CACNB2: variants seen among roughly 807,000 people sequenced by gnomAD.
CACNB2 encodes the protein voltage-dependent L-type calcium channel subunit beta-2.
CACNB2 carries 42 observed loss-of-function variants against 73.3 expected under a neutral mutation model. The observed-to-expected ratio is 0.57, with a 90% CI of 0.45 to 0.74. The LOEUF (loss-of-function observed/expected upper bound fraction) is 0.74. Among genes scored for constraint, CACNB2 ranks in the 30% least tolerant of loss-of-function variants. CACNB2 has a pLI of 0.00. For missense variants in CACNB2, 940 were observed against 853.0 expected (o/e 1.10, Z -1.27); for synonymous variants, 348 against 310.3 (o/e 1.12, Z -1.28).
intron 3 of CACNB2, among the ~76,000 whole-genome samples, chr10:18,437,610 T>A (rs2046203093): frequency 6.6e-6 from 1 of 152,164 alleles, no homozygotes; most frequent in African/African-American, 2.4e-5. Flanking sequence ...CGTGGGCCAA[T>A]CTAACTGCAA....
intron 10 of CACNB2, among the ~76,000 whole-genome samples, chr10:18,532,614 T>G (rs903334066): frequency 6.8e-6 from 1 of 146,446 alleles, no homozygotes; most frequent in Non-Finnish European, 1.5e-5. Context: ...GTGGAGGAGA[T>G]TGTGGTGAGC....
At chr10:18,447,014 T>C (rs1312458240) in intron 3 of CACNB2, among the ~76,000 whole-genome samples, 1 of 151,870 alleles carries the variant, frequency 6.6e-6, no homozygotes, top group African/African-American at 2.4e-5. Context: ...AGGCTGTGAT[T>C]ATGCCGTTGT....
At chr10:18,284,795 T>TA (rs1298163137) in intron 2 of CACNB2, among the ~76,000 whole-genome samples, 2 of 151,368 alleles carry the variant, frequency 1.3e-5, no homozygotes, top group East Asian at 1.9e-4. Flanking sequence ...GTGAAGGGTA[T>TA]AAAAACAAAA....
At chr10:18,534,751 C>G (rs1278520065) in intron 11 of CACNB2, among the ~76,000 whole-genome samples, 1 of 152,190 alleles carries the variant, frequency 6.6e-6, no homozygotes, top group Admixed American at 6.5e-5. Flanking sequence ...AAAGTACACA[C>G]AAAGCTCCTG....
rs542939385 is a variant in CACNB2 at position 18,281,269 on chromosome 10, G to A, written c.214-120655G>A. On this transcript the variant is annotated intron_variant, in intron 2 of 13. Coordinates refer to ENST00000324631, the MANE Select transcript of CACNB2 (RefSeq NM_201596.3). ...GAAGATACTGCCTGCTTCTTAATAA[G>A]CTAGAACAAAAAGAGGTCACACTCA... Among the ~76,000 whole-genome samples, 6 of 152,252 alleles carry A rather than the reference G, an allele frequency of 3.9e-5. No homozygotes were observed. In the South Asian group the frequency reaches 8.3e-4, roughly 21 times the overall value.
chr10:18,530,663 C>T (rs930128160), intron 10 of CACNB2, among the ~76,000 whole-genome samples: 2 of 152,134 alleles, frequency 1.3e-5, no homozygotes, highest in Admixed American at 1.3e-4. Flanking sequence ...TCGGTTCCCA[C>T]TGTACATATA....
At chr10:18,170,249 A>G (rs547380754) in intron 2 of CACNB2, among the ~76,000 whole-genome samples, 33 of 152,312 alleles carry the variant, frequency 2.2e-4, no homozygotes, top group African/African-American at 7.9e-4. Flanking sequence ...GGAGGAATGA[A>G]TGGATGTAGG....
chr10:18,322,053 G>T (rs1589037961), intron 2 of CACNB2, among the ~76,000 whole-genome samples: 1 of 152,194 alleles, frequency 6.6e-6, no homozygotes, highest in African/African-American at 2.4e-5. Flanking sequence ...CTACTAAAGT[G>T]GCTGAGGCAG....
At chr10:18,458,590 T>C (rs1480109778) in intron 3 of CACNB2, among the ~76,000 whole-genome samples, 1 of 152,018 alleles carries the variant, frequency 6.6e-6, no homozygotes, top group African/African-American at 2.4e-5. Context: ...AAACAAAATT[T>C]TAAGAAATGT....
At chr10:18,211,136 G>C (rs938171504) in intron 2 of CACNB2, among the ~76,000 whole-genome samples, 1 of 152,260 alleles carries the variant, frequency 6.6e-6, no homozygotes, top group African/African-American at 2.4e-5. Context: ...TGGAGGCGGA[G>C]GGCTATGCAG....
intron 3 of CACNB2, among the ~76,000 whole-genome samples, chr10:18,485,150 T>C (rs2048991926): frequency 6.6e-6 from 1 of 152,182 alleles, no homozygotes. Flanking sequence ...TTAAAAAAAG[T>C]ATATATTTGT....
At chr10:18,250,316 T>G (rs1199404729) in intron 2 of CACNB2, among the ~76,000 whole-genome samples, 4 of 152,240 alleles carry the variant, frequency 2.6e-5, no homozygotes, top group Non-Finnish European at 4.4e-5. Flanking sequence ...GTTGTAACTT[T>G]GTGAACCTAT....
At chr10:18,428,601 G>A (rs994645098) in intron 3 of CACNB2, among the ~76,000 whole-genome samples, 4 of 151,476 alleles carry the variant, frequency 2.6e-5, no homozygotes, top group Admixed American at 6.6e-5. Context: ...TATGAGAATC[G>A]CTTGAATTCA....
At chr10:18,162,048 G>GT (rs1471198528) in intron 2 of CACNB2, among the ~76,000 whole-genome samples, 4 of 151,730 alleles carry the variant, frequency 2.6e-5, no homozygotes, top group African/African-American at 9.7e-5. Flanking sequence ...TACGTGTTCT[G>GT]TAACTTTTAG....
intron 2 of CACNB2, among the ~76,000 whole-genome samples, chr10:18,178,036 G>A (rs2033695189): frequency 1.3e-5 from 2 of 152,150 alleles, no homozygotes; most frequent in South Asian, 4.2e-4. Flanking sequence ...CAGGCATGAA[G>A]CTGATTGCAG....
chr10:18,537,369 T>TA (rs971964146), intron 12 of CACNB2, among the ~76,000 whole-genome samples: 1 of 152,170 alleles, frequency 6.6e-6, no homozygotes, highest in Non-Finnish European at 1.5e-5. Flanking sequence ...TAATAAACAC[T>TA]AAAAAATCTT....
intron 2 of CACNB2, among the ~76,000 whole-genome samples, chr10:18,152,980 T>C (rs999631203): frequency 2.0e-5 from 3 of 152,188 alleles, no homozygotes; most frequent in African/African-American, 4.8e-5. Flanking sequence ...TCCTTTTTCA[T>C]AGAGTTTTAA....
chr10:18,415,578 T>G (rs550287654), intron 3 of CACNB2, among the ~76,000 whole-genome samples: 1 of 152,242 alleles, frequency 6.6e-6, no homozygotes, highest in Non-Finnish European at 1.5e-5. Flanking sequence ...GAAGGGCACT[T>G]TAAATTATAT....
rs1207862245 is a variant in CACNB2 at position 18,423,957 on chromosome 10, G to A, written c.333+21914G>A. Among the ~76,000 whole-genome samples the A allele has an allele frequency of 2.0e-5, 3 of 152,074 alleles. No individual in the cohort carries two copies. The East Asian group carries it at 5.8e-4, about 29-fold the overall frequency. On this transcript the variant is annotated intron_variant, in intron 3 of 13. Transcript: ENST00000324631. ...TATCCCTATATAATAAAAATTTATT[G>A]AAAATAGGATGTCATCTTGTCTTCT...
Sources: allele counts gnomAD v4.1 joint callset (sites outside exome capture counted in the v4.1 genomes callset), GRCh38; gene constraint gnomAD v4.1.1; transcripts MANE v1.5; gene names NCBI Gene and HGNC (gene_info 2026-07-23, HGNC 2026-07-21).